BLTP3B: variants seen among roughly 807,000 people sequenced by gnomAD.
The protein encoded by BLTP3B is UHRF1 (ICBP90) binding protein 1-like.
At chr12:100,127,864 C>T in the BLTP3B span, among the ~76,000 whole-genome samples, 2 of 152,026 alleles carry the variant, frequency 1.3e-5, no homozygotes, top group African/African-American at 4.8e-5. Context: ...AATTTAAAAA[C>T]TCAGCCAGGC....
the BLTP3B span, among the ~76,000 whole-genome samples, chr12:100,041,966 A>T: frequency 6.6e-6 from 1 of 152,204 alleles, no homozygotes; most frequent in Non-Finnish European, 1.5e-5. Flanking sequence ...CTACATTTCT[A>T]TAATGTGTAA....
At chr12:100,058,104 G>A in the BLTP3B span, 1,710 of 1,612,446 alleles carry the variant, frequency 1.1e-3, 1 homozygote, top group Non-Finnish European at 1.3e-3. Flanking sequence ...TTCAGAGAGT[G>A]AAGCTGCTTC....
the BLTP3B span, among the ~76,000 whole-genome samples, chr12:100,049,777 G>A: frequency 2.0e-5 from 3 of 152,152 alleles, no homozygotes; most frequent in Non-Finnish European, 2.9e-5. Context: ...CTGAACAAGA[G>A]AACTTGCCAA....
the BLTP3B span, among the ~76,000 whole-genome samples, chr12:100,109,034 T>G: frequency 6.6e-6 from 1 of 152,166 alleles, no homozygotes. Flanking sequence ...CACCTCTAAT[T>G]GTAATCCCCA....
chr12:100,108,186 G>T, the BLTP3B span, among the ~76,000 whole-genome samples: 2 of 152,218 alleles, frequency 1.3e-5, no homozygotes, highest in South Asian at 2.1e-4. Flanking sequence ...CAAAAATTAA[G>T]ATCTATAAAG....
the BLTP3B span, among the ~76,000 whole-genome samples, chr12:100,098,943 CACATAGAT>C: frequency 1.3e-3 from 161 of 119,886 alleles, 1 homozygote; most frequent in East Asian, 6.0e-3. Context: ...GACAGACAGA[CACATAGAT>C]ACATAGATAC....
chr12:100,041,537 A>G, the BLTP3B span, among the ~76,000 whole-genome samples: 11 of 149,632 alleles, frequency 7.4e-5, no homozygotes, highest in African/African-American at 2.7e-4. Context: ...CCTGGGTTCA[A>G]GTGATTCTCC....
the BLTP3B span, among the ~76,000 whole-genome samples, chr12:100,130,921 AATAC>A: frequency 7.1e-5 from 9 of 127,604 alleles, no homozygotes; most frequent in South Asian, 2.3e-4. Context: ...ATCTCAAAAA[AATAC>A]ATACATACAT....
chr12:100,050,058 T>C, the BLTP3B span: 1 of 1,114,352 alleles, frequency 9.0e-7, no homozygotes, highest in Non-Finnish European at 1.2e-6. Flanking sequence ...GTAAATGTAA[T>C]TTTCCTTGAA....
At chr12:100,096,230 G>A in the BLTP3B span, among the ~76,000 whole-genome samples, 3 of 151,884 alleles carry the variant, frequency 2.0e-5, no homozygotes, top group South Asian at 6.2e-4. Context: ...CTCCAGCCTG[G>A]GTGACAGAGA....
the BLTP3B span, among the ~76,000 whole-genome samples, chr12:100,080,498 A>G: frequency 2.6e-5 from 4 of 152,316 alleles, no homozygotes; most frequent in East Asian, 5.8e-4. Context: ...ATGGAGTCAA[A>G]GGAAATCATT....
At chr12:100,142,331 C>G in the BLTP3B span, among the ~76,000 whole-genome samples, 34 of 152,294 alleles carry the variant, frequency 2.2e-4, no homozygotes, top group East Asian at 6.2e-3. Flanking sequence ...GCGATCCCAG[C>G]CCGCCGCGCT....
At chr12:100,117,243 G>A in the BLTP3B span, among the ~76,000 whole-genome samples, 134 of 152,270 alleles carry the variant, frequency 8.8e-4, no homozygotes, top group South Asian at 9.1e-3. Flanking sequence ...ATGGGGAAAA[G>A]AATAACTTTA....
the BLTP3B span, among the ~76,000 whole-genome samples, chr12:100,114,265 T>C: frequency 9.3e-3 from 1,410 of 152,306 alleles, 30 homozygotes; most frequent in African/African-American, 0.032. Context: ...CAGGTTGACA[T>C]GGCATCTAGG....
chr12:100,040,527 A>C, the BLTP3B span, among the ~76,000 whole-genome samples: 1 of 152,184 alleles, frequency 6.6e-6, no homozygotes, highest in African/African-American at 2.4e-5. Flanking sequence ...CTAAAGATAC[A>C]AAAATTAACC....
chr12:100,094,889 G>A, the BLTP3B span, among the ~76,000 whole-genome samples: 18 of 152,248 alleles, frequency 1.2e-4, no homozygotes, highest in African/African-American at 4.3e-4. Context: ...CCATTCCCAT[G>A]TACAAAGCTG....
the BLTP3B span, chr12:100,039,717 C>G: frequency 6.2e-7 from 1 of 1,613,884 alleles, no homozygotes; most frequent in Non-Finnish European, 8.5e-7. Context: ...ATCATACTTT[C>G]CACTGGTCAG....
the BLTP3B span, among the ~76,000 whole-genome samples, chr12:100,103,360 T>C: frequency 1.3e-5 from 2 of 152,184 alleles, no homozygotes; most frequent in African/African-American, 4.8e-5. Flanking sequence ...ATTTTTCTCC[T>C]TGAAGAAAGA....
chr12:100,107,880 G>C, the BLTP3B span, among the ~76,000 whole-genome samples: 1 of 152,024 alleles, frequency 6.6e-6, no homozygotes, highest in Non-Finnish European at 1.5e-5. Context: ...GCCTACAGGC[G>C]CATGTGCTAC....
Sources: gnomAD v4.1 joint callset for allele counts (sites outside exome capture counted in the v4.1 genomes callset) on GRCh38, gnomAD v4.1.1 for gene constraint, MANE v1.5 for transcripts, NCBI Gene and HGNC (gene_info 2026-07-23, HGNC 2026-07-21) for gene names.